The following CD47 variants were observed in gnomAD, a reference collection of about 807,000 sequenced individuals.
The protein encoded by CD47 is CD47 molecule.
Under a neutral mutation model 44.6 loss-of-function variants are expected in CD47, and 11 were observed. That is an observed-to-expected ratio of 0.25 (90% CI 0.16 to 0.41). The LOEUF (loss-of-function observed/expected upper bound fraction) is 0.41. Ranked by LOEUF, CD47 falls within the 10% of genes least tolerant of loss-of-function variation. The probability of loss-of-function intolerance (pLI) is 1.00; values close to 1 mark genes in which losing one functional copy is unlikely to be tolerated. For missense variants in CD47, 306 were observed against 386.7 expected (o/e 0.79, Z 1.75); for synonymous variants, 140 against 136.3 (o/e 1.03, Z -0.19).
Position 108,045,643 on chromosome 3 carries a change from G to A in CD47, c.*1645C>T, listed in dbSNP as rs1283972131. On this transcript the variant is annotated 3_prime_UTR_variant, in exon 11 of 11. Coordinates refer to ENST00000361309, the MANE Select transcript of CD47 (RefSeq NM_001777.4). Reference sequence around the variant, plus strand: ...CAGGTCATAAATTTAGGTTTGCCATGGGCAAACTACTTGGTCCCAACATGA... The same window carrying A: ...CAGGTCATAAATTTAGGTTTGCCATAGGCAAACTACTTGGTCCCAACATGA... The A allele has an allele frequency of 2.6e-5, 4 of 152,158 alleles. No individual in the cohort carries two copies. The highest frequency in any genetic ancestry group is 5.9e-5 in the Non-Finnish European group (4 of 67,964). The allele number at this position is 152,158 out of a possible 1,614,324, so 9.4% of individuals were successfully genotyped here.
At position 108,057,552 on chromosome 3, in the gene CD47, C is replaced by T; in HGVS notation, c.802G>A (p.Gly268Ser). The change falls in exon 7 of 11, where the codon GGC (glycine) becomes AGC (serine). Residue 268 changes from glycine (G) to serine (S), a missense_variant. This residue lies in a region of CD47 where 131 missense variants were observed against 135.3 expected (regional missense o/e 0.97). Coordinates refer to ENST00000361309, the MANE Select transcript of CD47 (RefSeq NM_001777.4). ...CTCAAACCTGAAATCAGAAGAGGGCCATGCATTGGTATACACGCTGTAAAA... is the reference window on the plus strand; with the variant it reads ...CTCAAACCTGAAATCAGAAGAGGGCTATGCATTGGTATACACGCTGTAAAA... ...LCIAACIPMH[G>S]PLLISGLSIL... 1 of 1,539,838 alleles carries T rather than the reference C, an allele frequency of 6.5e-7. No homozygotes were observed. Among genetic ancestry groups the T allele is most frequent in the South Asian group, 1.1e-5 (1 of 89,512 alleles).
At chr3:108,050,379 G>A (rs902916435) in intron 9 of CD47, among the ~76,000 whole-genome samples, 199 bp downstream of exon 9, 4 of 152,164 alleles carry the variant, frequency 2.6e-5, no homozygotes, top group Non-Finnish European at 5.9e-5. Flanking sequence ...GCCTCCCAAG[G>A]TGCCGGGATC....
intron 1 of CD47, among the ~76,000 whole-genome samples, chr3:108,085,893 T>C (rs1414486447): frequency 6.6e-6 from 1 of 152,182 alleles, no homozygotes; most frequent in African/African-American, 2.4e-5. Context: ...GACTTGATTA[T>C]GAAATCATGA....
intron 1 of CD47, among the ~76,000 whole-genome samples, chr3:108,082,952 A>G (rs1269388484): frequency 6.6e-6 from 1 of 152,024 alleles, no homozygotes; most frequent in Non-Finnish European, 1.5e-5. Flanking sequence ...TACAACTTCA[A>G]TCTCTATAAA....
chr3:108,088,109 T>G (rs1364964621), intron 1 of CD47, among the ~76,000 whole-genome samples: 1 of 152,198 alleles, frequency 6.6e-6, no homozygotes, highest in African/African-American at 2.4e-5. Context: ...TATAAAAAGG[T>G]AGGCAGAAAC....
rs551094395 is a variant in CD47 at position 108,080,193 on chromosome 3, G to A, written c.198C>T (p.Tyr66=). The stretch of plus-strand genomic sequence containing the variant: ...ACTTGTTTAGAGCTCCATCAAAGGT[G>A]TAAATATCTCTTCCTTTAAATTTCC... ...VKWKFKGRDI[Y]TFDGALNKST... Residue 66 remains tyrosine, a synonymous_variant, in exon 2 of 11, where the codon TAC becomes TAT. Transcript: ENST00000361309. 10 of 1,612,992 alleles carry A rather than the reference G, an allele frequency of 6.2e-6. No individual in the cohort carries two copies. Among genetic ancestry groups the A allele is most frequent in the African/African-American group, 2.7e-5 (2 of 74,980 alleles).
intron 10 of CD47, among the ~76,000 whole-genome samples, chr3:108,047,635 T>C (rs1381399357): frequency 6.6e-6 from 1 of 152,192 alleles, no homozygotes; most frequent in African/African-American, 2.4e-5. Flanking sequence ...ATTCATTTAA[T>C]GTAAGTAAAA....
chr3:108,061,015 C>G (rs528133028), intron 3 of CD47, among the ~76,000 whole-genome samples, 163 bp from the exon 4 acceptor site: 1 of 151,792 alleles, frequency 6.6e-6, no homozygotes, highest in African/African-American at 2.4e-5. Flanking sequence ...CTTTCATAAG[C>G]AAATGGATAA....
intron 1 of CD47, among the ~76,000 whole-genome samples, chr3:108,082,828 T>C (rs902556855): frequency 1.3e-5 from 2 of 152,032 alleles, no homozygotes; most frequent in African/African-American, 4.8e-5. Context: ...GTAGAATAAA[T>C]GCTATTAGTA....
chr3:108,050,507 C>T, intron 9 of CD47, 71 bp downstream of exon 9: 1 of 723,422 alleles, frequency 1.4e-6, no homozygotes, highest in South Asian at 1.7e-5. Context: ...ATAGACAGGG[C>T]ATTCTAACTG....
intron 2 of CD47, among the ~76,000 whole-genome samples, chr3:108,078,203 C>T (rs2079345292): frequency 6.6e-6 from 1 of 152,112 alleles, no homozygotes; most frequent in Non-Finnish European, 1.5e-5. Flanking sequence ...TCTCAAACCT[C>T]TGGTAGAATT....
intron 3 of CD47, among the ~76,000 whole-genome samples, chr3:108,064,400 A>G (rs181786019): frequency 6.6e-6 from 1 of 152,344 alleles, no homozygotes; most frequent in Non-Finnish European, 1.5e-5. Context: ...ATGCAGATGA[A>G]GCAATGACAT....
chr3:108,078,252 T>C (rs904925531), intron 2 of CD47, among the ~76,000 whole-genome samples: 53 of 152,124 alleles, frequency 3.5e-4, no homozygotes, highest in African/African-American at 1.2e-3. Flanking sequence ...TTTCTCCTTT[T>C]AATGGCTCCC....
intron 10 of CD47, among the ~76,000 whole-genome samples, 195 bp from the exon 11 acceptor site, chr3:108,047,487 GA>G (rs2078739280): frequency 6.6e-6 from 1 of 152,202 alleles, no homozygotes; most frequent in South Asian, 2.1e-4. Flanking sequence ...AATGCCAAAT[GA>G]AAGTAAAAAA....
At chr3:108,079,436 C>T (rs908905162) in intron 2 of CD47, among the ~76,000 whole-genome samples, 1 of 151,202 alleles carries the variant, frequency 6.6e-6, no homozygotes, top group African/African-American at 2.4e-5. Flanking sequence ...AAAAGAAGAC[C>T]AAAGTAAGGC....
chr3:108,070,449 A>G (rs964279354), intron 3 of CD47, among the ~76,000 whole-genome samples: 1 of 152,204 alleles, frequency 6.6e-6, no homozygotes. Flanking sequence ...CATATTACCT[A>G]TTTGCCTAGT....
chr3:108,070,459 T>C (rs1268260894), intron 3 of CD47, among the ~76,000 whole-genome samples: 2 of 152,232 alleles, frequency 1.3e-5, no homozygotes, highest in East Asian at 1.9e-4. Flanking sequence ...ATTTGCCTAG[T>C]AATGACAATT....
At chr3:108,082,781 G>T (rs1350012699) in intron 1 of CD47, among the ~76,000 whole-genome samples, 1 of 151,960 alleles carries the variant, frequency 6.6e-6, no homozygotes, top group Non-Finnish European at 1.5e-5. Flanking sequence ...TGCATTATTT[G>T]TTACAATAAA....
At chr3:108,048,357 T>C (rs1324740480) in intron 10 of CD47, among the ~76,000 whole-genome samples, 1 of 146,166 alleles carries the variant, frequency 6.8e-6, no homozygotes, top group African/African-American at 2.5e-5. Flanking sequence ...TGTTCACCAA[T>C]GCATGACTGG....
Sources: gnomAD v4.1 joint callset for allele counts (sites outside exome capture counted in the v4.1 genomes callset) on GRCh38, gnomAD v4.1.1 for gene constraint, gnomAD v4.1.1 regional missense constraint, MANE v1.5 for transcripts, NCBI Gene and HGNC (gene_info 2026-07-23, HGNC 2026-07-21) for gene names.